NCSTN: variants seen among roughly 807,000 people sequenced by gnomAD.
NCSTN encodes the protein nicastrin, also known as anterior pharynx-defective 2.
Under a neutral mutation model 87.0 loss-of-function variants are expected in NCSTN, and 22 were observed. The ratio of observed to expected loss-of-function variants is 0.25; its 90% confidence interval spans 0.18 to 0.36. The LOEUF is 0.36. Among genes scored for constraint, NCSTN ranks in the 10% least tolerant of loss-of-function variants. The pLI, the probability that NCSTN is intolerant of heterozygous loss-of-function variation, is 1.00. For missense variants in NCSTN, 693 were observed against 883.3 expected, an observed-to-expected ratio of 0.78 and a Z score of 2.73; for synonymous variants, 306 against 327.1, an observed-to-expected ratio of 0.94 and a Z score of 0.69.
rs201270408 is a variant in NCSTN at position 160,355,843 on chromosome 1, C to T, written c.1456-20C>T. The T allele has an allele frequency of 2.3e-5, 37 of 1,610,742 alleles. No individual in the cohort carries two copies. The highest frequency in any genetic ancestry group is 3.0e-5 in the Non-Finnish European group (35 of 1,177,044). On this transcript the variant is annotated intron_variant, in intron 12 of 16. Coordinates refer to ENST00000294785, the MANE Select transcript of NCSTN (RefSeq NM_015331.3). ...GGATAGGAGAGGTGGGCCATTCAGC[C>T]CCCTCCTCACCTACCACAGGCCCTG...
rs199622768 is a variant in NCSTN at position 160,357,103 on chromosome 1, G to A, written c.1857G>A (p.Arg619=). Residue 619 remains arginine, a synonymous_variant, in exon 16 of 17, where the codon CGG becomes CGA. Coordinates refer to ENST00000294785, the MANE Select transcript of NCSTN (RefSeq NM_015331.3). ...LHSNETDRLP[R]CVRSTARLAR... The stretch of plus-strand genomic sequence containing the variant: ...CTAATGAGACGGACCGACTCCCCCG[G>A]TGTGTGCGTTCTACTGCACGATTAG... 1.9e-6 allele frequency: 3 copies of A among 1,614,108 alleles called. No homozygotes were observed. Among genetic ancestry groups the A allele is most frequent in the East Asian group, 2.2e-5 (1 of 44,878 alleles).
rs1258818207 is a variant in NCSTN, at chr1:160,351,248, G to A, written c.609G>A (p.Gln203=). ...GCTATCAAGATCACAACCTGAGTCAGAATGGCTCAGCACCAACCTTCCCAC... is the reference window on the plus strand; with the variant it reads ...GCTATCAAGATCACAACCTGAGTCAAAATGGCTCAGCACCAACCTTCCCAC... ...KQCYQDHNLS[Q]NGSAPTFPLC... is the part of the protein sequence containing the mutation. The change falls in exon 6 of 17, where the codon CAG becomes CAA. Residue 203 remains glutamine, a synonymous_variant. Coordinates refer to ENST00000294785, the MANE Select transcript of NCSTN (RefSeq NM_015331.3). 1.9e-6 allele frequency: 3 copies of A among 1,614,158 alleles called. No individual in the cohort carries two copies. The highest frequency in any genetic ancestry group is 1.7e-4 in the Middle Eastern group (1 of 6,060).
intron 10 of NCSTN, 126 bp from the exon 11 acceptor site, chr1:160,353,992 G>T: frequency 9.6e-7 from 1 of 1,036,426 alleles, no homozygotes; most frequent in Non-Finnish European, 1.4e-6. Flanking sequence ...AGGGATAAAG[G>T]TCTACTAGAG....
intron 2 of NCSTN, among the ~76,000 whole-genome samples, chr1:160,347,715 T>C (rs1260579703): frequency 2.0e-5 from 3 of 152,176 alleles, no homozygotes; most frequent in Non-Finnish European, 4.4e-5. Context: ...GTTCAAGCAA[T>C]TCTCCTGCCT....
intron 1 of NCSTN, 38 bp downstream of exon 1, chr1:160,343,519 G>A: frequency 6.4e-7 from 1 of 1,557,752 alleles, no homozygotes; most frequent in Non-Finnish European, 8.7e-7. Flanking sequence ...TTCTCTAAGG[G>A]GAACTCTCGG....
At chr1:160,346,442 A>G (rs969180444) in intron 2 of NCSTN, among the ~76,000 whole-genome samples, 4 of 152,190 alleles carry the variant, frequency 2.6e-5, no homozygotes, top group African/African-American at 7.2e-5. Flanking sequence ...AAACTGGGAC[A>G]CTGAGAAGTG....
At chr1:160,345,671 A>G (rs1320852862) in intron 2 of NCSTN, among the ~76,000 whole-genome samples, 1 of 151,834 alleles carries the variant, frequency 6.6e-6, no homozygotes, top group African/African-American at 2.4e-5. Context: ...GCAGTGGCAC[A>G]TGCCTGTAAT....
At chr1:160,343,963 T>G (rs1248725125) in intron 1 of NCSTN, 4 of 272,238 alleles carry the variant, frequency 1.5e-5, no homozygotes, top group African/African-American at 4.8e-5. Flanking sequence ...GGTTTTTTTT[T>G]TTTTTTTTTT....
rs763351607 is a variant in NCSTN at position 160,351,246 on chromosome 1, C to G, written c.607C>G (p.Gln203Glu). The G allele has an allele frequency of 9.3e-6, 15 of 1,614,194 alleles. No individual in the cohort carries two copies. The Admixed American group carries it at 2.3e-4, about 25-fold the overall frequency. ...KQCYQDHNLS[Q>E]NGSAPTFPLC... ...GTGCTATCAAGATCACAACCTGAGTCAGAATGGCTCAGCACCAACCTTCCC... is the reference window on the plus strand; with the variant it reads ...GTGCTATCAAGATCACAACCTGAGTGAGAATGGCTCAGCACCAACCTTCCC... The change falls in exon 6 of 17, where the codon CAG (glutamine) becomes GAG (glutamate). Residue 203 changes from glutamine to glutamate, a missense_variant. Transcript: ENST00000294785.
At position 160,358,351 on chromosome 1, in the gene NCSTN, G is replaced by GTC. The variant is rs1649239293; in HGVS notation, c.*81_*82dup. Reference sequence around the variant, plus strand: ...CCCACTGGGACACAACCACTAATTTGTCACTGGAACCTCCCTGGGCCTGTC... The same window carrying GTC: ...CCCACTGGGACACAACCACTAATTTGTCTCACTGGAACCTCCCTGGGCCTGTC... On this transcript the variant is annotated 3_prime_UTR_variant, in exon 17 of 17. Coordinates refer to ENST00000294785, the MANE Select transcript of NCSTN (RefSeq NM_015331.3). 3 of 1,589,072 alleles carry GTC rather than the reference G, an allele frequency of 1.9e-6. No individual in the cohort carries two copies. Among genetic ancestry groups the GTC allele is most frequent in the African/African-American group, 2.7e-5 (2 of 74,552 alleles).
chr1:160,344,723 T>C lies in NCSTN; in HGVS notation c.87T>C (p.Gly29=), dbSNP rs757105967. 4 of 1,613,894 alleles carry C rather than the reference T, an allele frequency of 2.5e-6. No homozygotes were observed. In the East Asian group the frequency reaches 8.9e-5, roughly 36 times the overall value. The change falls in exon 2 of 17, where the codon GGT becomes GGC. Residue 29 remains glycine (G), a splice_region_variant and synonymous_variant. Transcript: ENST00000294785. ...RLLSFCVLLA[G]LCRGNSVERK... is the part of the protein sequence containing the mutation. ...TAACACTTTTTATCTTCCGATCAGG[T>C]TTGTGCAGGGGAAACTCAGTGGAGA...
rs1364847547 is a variant in NCSTN at position 160,356,762 on chromosome 1, G to C, written c.1794+8G>C. The C allele has an allele frequency of 1.2e-6, 2 of 1,614,216 alleles. No individual in the cohort carries two copies. The highest frequency in any genetic ancestry group is 1.7e-5 in the Admixed American group (1 of 60,028). ...CCAAGTGAAAACAAGGATGTGAGTG[G>C]TGGTGGGTGTTGGAAGTGCCCTGGG... On this transcript the variant is annotated splice_region_variant and intron_variant, in intron 15 of 16. Coordinates refer to ENST00000294785, the MANE Select transcript of NCSTN (RefSeq NM_015331.3).
chr1:160,355,588 T>C, intron 11 of NCSTN, 67 bp from the exon 12 acceptor site: 1 of 1,142,584 alleles, frequency 8.8e-7, no homozygotes, highest in Non-Finnish European at 1.3e-6. Context: ...ATAAGGAGCA[T>C]TTGAGGGAGG....
At chr1:160,356,417 C>G in intron 14 of NCSTN, 70 bp downstream of exon 14, 1 of 1,475,926 alleles carries the variant, frequency 6.8e-7, no homozygotes, top group South Asian at 1.2e-5. Context: ...TTTGGTTTAA[C>G]CTTTATTATT....
In NCSTN at chr1:160,358,420, A is replaced by G; in HGVS notation, c.*149A>G. On this transcript the variant is annotated 3_prime_UTR_variant, in exon 17 of 17. Coordinates refer to ENST00000294785, the MANE Select transcript of NCSTN (RefSeq NM_015331.3). The stretch of plus-strand genomic sequence containing the variant: ...AAAAGAGTGGAACTATCCAAAAGAG[A>G]CAGGGAGAAATAAATAAATTGCCTC... The G allele has an allele frequency of 9.6e-7, 1 of 1,046,338 alleles. No homozygotes were observed. Among genetic ancestry groups the G allele is most frequent in the South Asian group, 1.3e-5 (1 of 74,920 alleles). The allele number at this position is 1,046,338 out of a possible 1,614,324, so 64.8% of individuals were successfully genotyped here. A position where few individuals can be genotyped will look rare whatever the true frequency, so the allele number is the denominator to read the frequency against.
rs764980428 is a variant in NCSTN at position 160,343,447 on chromosome 1, CCTT to C, written c.53_55del (p.Leu18del). The stretch of plus-strand genomic sequence containing the variant: ...GGGCTGACCCGGGAAGTCGGGGTCT[CCTT>C]CGCCTTCTGTCTTTCTGCGTCCTAC... On this transcript the variant is annotated inframe_deletion, in exon 1 of 17. Coordinates refer to ENST00000294785, the MANE Select transcript of NCSTN (RefSeq NM_015331.3). 1 of 1,611,956 alleles carries C rather than the reference CCTT, an allele frequency of 6.2e-7. No individual in the cohort carries two copies. Among genetic ancestry groups the C allele is most frequent in the South Asian group, 1.1e-5 (1 of 90,454 alleles).
chr1:160,352,186 A>G lies in NCSTN; in HGVS notation c.976A>G (p.Met326Val), dbSNP rs2101903331. 6.2e-7 allele frequency: 1 copy of G among 1,614,072 alleles called. No homozygotes were observed. Among genetic ancestry groups the G allele is most frequent in the Non-Finnish European group, 8.5e-7 (1 of 1,179,986 alleles). Reference sequence around the variant, plus strand: ...TGTGACCACCCTGCCCCGCAATGTCATGTTTGTCTTCTTTCAAGGGGTAAG... The same window carrying G: ...TGTGACCACCCTGCCCCGCAATGTCGTGTTTGTCTTCTTTCAAGGGGTAAG... ...PDVTTLPRNV[M>V]FVFFQGETFD... is the part of the protein sequence containing the mutation. Residue 326 changes from methionine (M) to valine (V), a missense_variant, in exon 8 of 17, where the codon ATG (methionine) becomes GTG (valine). Physicochemically the swap from Met to Val is conservative, Grantham distance 21. This residue lies in a region of NCSTN where 134 missense variants were observed against 226.0 expected (regional missense o/e 0.59). Transcript: ENST00000294785.
rs575552968 is a variant in NCSTN, at chr1:160,345,831, C to T, written c.190+1005C>T. 3.5e-5 allele frequency among the ~76,000 whole-genome samples: 5 copies of T among 143,574 alleles called. No individual in the cohort carries two copies. In the East Asian group the frequency reaches 9.0e-4, roughly 26 times the overall value. The allele number at this position is 143,574 out of a possible 152,430, so 94.2% of individuals were successfully genotyped here. ...TGGCATGCCTGTAGTCCTAGCTTCT[C>T]GGGAGGCGGAAGCAGAAGAATCCCT... On this transcript the variant is annotated intron_variant, in intron 2 of 16. Transcript: ENST00000294785.
intron 2 of NCSTN, among the ~76,000 whole-genome samples, chr1:160,347,195 G>A (rs950008936): frequency 6.6e-6 from 1 of 152,164 alleles, no homozygotes; most frequent in African/African-American, 2.4e-5. Context: ...TAAGATCTTG[G>A]TTCCTTTTCA....
Sources: allele counts gnomAD v4.1 joint callset (sites outside exome capture counted in the v4.1 genomes callset), GRCh38; gene constraint gnomAD v4.1.1; regional missense constraint gnomAD v4.1.1; transcripts MANE v1.5; gene names NCBI Gene and HGNC (gene_info 2026-07-23, HGNC 2026-07-21).